Variants in ANKRD31 observed in about 807,000 individuals in gnomAD.
ANKRD31 encodes the protein ankyrin repeat domain 31.
ANKRD31 carries 147 observed loss-of-function variants against 186.0 expected under a neutral mutation model. The ratio of observed to expected loss-of-function variants is 0.79; its 90% CI spans 0.69 to 0.91. ANKRD31 has a LOEUF of 0.91. ANKRD31 is among the 40% of genes least tolerant of loss of function. The pLI is 0.00. For missense variants in ANKRD31, 1,986 were observed against 2,148.8 expected, an observed-to-expected ratio of 0.92 and a Z score of 1.50; for synonymous variants, 673 against 736.4, an observed-to-expected ratio of 0.91 and a Z score of 1.39.
At chr5:75,216,178 A>C (rs1044091699) in intron 3 of ANKRD31, among the ~76,000 whole-genome samples, 16 of 152,184 alleles carry the variant, frequency 1.1e-4, no homozygotes, top group Admixed American at 2.6e-4. Context: ...CTAGTTTACT[A>C]TCTGATGATA....
chr5:75,134,328 T>G lies in ANKRD31; in HGVS notation c.3876+3528A>C, dbSNP rs976659436. Among the ~76,000 whole-genome samples, 90 of 151,770 alleles carry G rather than the reference T, an allele frequency of 5.9e-4. 1 individual carries two copies. Among genetic ancestry groups the G allele is most frequent in the African/African-American group, 2.1e-3 (86 of 41,392 alleles). On this transcript the variant is annotated intron_variant, in intron 17 of 25. Transcript: ENST00000506364. ...ATAGACACAATAAAAATGATAAAGGTGATATCACCACCGATTCCACAGAAA... is the reference window on the plus strand; with the variant it reads ...ATAGACACAATAAAAATGATAAAGGGGATATCACCACCGATTCCACAGAAA...
chr5:75,096,666 A>T (rs563667601), intron 22 of ANKRD31, among the ~76,000 whole-genome samples: 102 of 150,824 alleles, frequency 6.8e-4, no homozygotes, highest in Admixed American at 8.0e-4. Context: ...CTTTAAAAAA[A>T]TTTTTTTTTT....
chr5:75,107,520 C>A lies in ANKRD31; in HGVS notation c.4340+1G>T, dbSNP rs1321139759. 24 of 1,510,118 alleles carry A rather than the reference C, an allele frequency of 1.6e-5. No individual in the cohort carries two copies. Among genetic ancestry groups the A allele is most frequent in the Non-Finnish European group, 2.0e-5 (23 of 1,129,684 alleles). 93.5% of individuals were successfully genotyped at this position (1,510,118 alleles called of 1,614,324 possible). A position where few individuals can be genotyped will look rare whatever the true frequency, so the allele number is the denominator to read the frequency against. The stretch of plus-strand genomic sequence containing the variant: ...CTCTTTTTTTTTCTTTTTCTACTCA[C>A]CTGTATTTTTTAGCCAGATCATCCC... On this transcript the variant is annotated splice_donor_variant, in intron 21 of 25. Transcript: ENST00000506364. LOFTEE classifies it high-confidence loss of function.
At chr5:75,113,635 C>T (rs922962827) in intron 19 of ANKRD31, among the ~76,000 whole-genome samples, 4 of 152,114 alleles carry the variant, frequency 2.6e-5, no homozygotes, top group African/African-American at 9.7e-5. Flanking sequence ...CATGTAGGTC[C>T]TCAAAGCCTT....
In ANKRD31 at chr5:75,229,879, AAAAAAAAAC is replaced by A. The variant is rs1252202930; in HGVS notation, c.178+674_178+682del. ...GACTCTGTCTCAAAAAAAAAAAAAA[AAAAAAAAAC>A]AAAAAAAACATCAATTCCCAGCAAG... On this transcript the variant is annotated intron_variant, in intron 2 of 25. Coordinates refer to ENST00000506364, the MANE Select transcript of ANKRD31 (RefSeq NM_001372053.1). Among the ~76,000 whole-genome samples the A allele has an allele frequency of 7.5e-3, 655 of 87,022 alleles. 18 individuals are homozygous for A. Among genetic ancestry groups the A allele is most frequent in the East Asian group, 0.07 (212 of 3,050 alleles). 57.1% of individuals were successfully genotyped at this position (87,022 alleles called of 152,430 possible). A position where few individuals can be genotyped will look rare whatever the true frequency, so the allele number is the denominator to read the frequency against.
rs182122167 is a variant in ANKRD31, at chr5:75,150,931, G to A, written c.1853-2303C>T. Among the ~76,000 whole-genome samples, 598 of 152,032 alleles carry A rather than the reference G, an allele frequency of 3.9e-3. 8 individuals are homozygous for A. The highest frequency in any genetic ancestry group is 3.4e-3 in the Middle Eastern group (1 of 294). On this transcript the variant is annotated intron_variant, in intron 12 of 25. Transcript: ENST00000506364. ...GCTTGTATAGACCTGGCTTCAACAA[G>A]TTACTGTCTGTCTCACTTCTCATGC...
intron 10 of ANKRD31, among the ~76,000 whole-genome samples, chr5:75,178,475 T>G (rs1258980593): frequency 6.6e-6 from 1 of 152,246 alleles, no homozygotes; most frequent in South Asian, 2.1e-4. Flanking sequence ...ATTGACCACA[T>G]AGTTGGAAGT....
intron 23 of ANKRD31, among the ~76,000 whole-genome samples, chr5:75,085,391 G>C (rs1745406816): frequency 6.7e-6 from 1 of 150,070 alleles, no homozygotes; most frequent in Non-Finnish European, 1.5e-5. Context: ...TTTTTTTTGA[G>C]AGAGTCTTAC....
intron 25 of ANKRD31, among the ~76,000 whole-genome samples, chr5:75,077,979 T>C (rs1328356570): frequency 2.0e-5 from 3 of 148,928 alleles, no homozygotes; most frequent in Non-Finnish European, 4.5e-5. Flanking sequence ...AGTGGTCTAA[T>C]GTATACAAAA....
intron 16 of ANKRD31, 149 bp downstream of exon 16, chr5:75,138,697 C>CA: frequency 1.3e-6 from 1 of 771,526 alleles, no homozygotes; most frequent in Non-Finnish European, 1.9e-6. Flanking sequence ...TCTTAGTATT[C>CA]AACTAAACAC....
chr5:75,215,931 A>T (rs941631153), intron 3 of ANKRD31, among the ~76,000 whole-genome samples: 1 of 152,170 alleles, frequency 6.6e-6, no homozygotes, highest in African/African-American at 2.4e-5. Context: ...TCATAGGATA[A>T]AACAATGAAA....
At chr5:75,111,804 T>C (rs1041473204) in intron 20 of ANKRD31, among the ~76,000 whole-genome samples, 5 of 152,200 alleles carry the variant, frequency 3.3e-5, no homozygotes, top group African/African-American at 1.2e-4. Flanking sequence ...TCTTCAGTGT[T>C]TTGAAAACAG....
chr5:75,202,670 C>A (rs1755895144), intron 5 of ANKRD31, among the ~76,000 whole-genome samples: 1 of 152,198 alleles, frequency 6.6e-6, no homozygotes, highest in Non-Finnish European at 1.5e-5. Flanking sequence ...TTAGAATTTA[C>A]CCTTTGAATT....
rs1043504174 is a variant in ANKRD31, at chr5:75,188,513, A to G, written c.1544T>C (p.Val515Ala). The change falls in exon 10 of 26, where the codon GTT becomes GCT. Residue 515 changes from valine (V) to alanine (A), a missense_variant. Transcript: ENST00000506364. ...VHHCIKKGGNVNQPSYAGWTA... is the reference protein window; with the variant it reads ...VHHCIKKGGNANQPSYAGWTA... ...CTTACCAGCATAACTTGGCTGATTA[A>G]CATTTCCACCTTTTTTTATACAATG... The G allele has an allele frequency of 6.5e-7, 1 of 1,535,842 alleles. No homozygotes were observed.
chr5:75,229,871 AAAAAAAAAAAAAAAAAC>A (rs1274598145), intron 2 of ANKRD31, among the ~76,000 whole-genome samples: 2 of 106,126 alleles, frequency 1.9e-5, no homozygotes, highest in Non-Finnish European at 3.4e-5. Flanking sequence ...TCTCAAAAAA[AAAAAAAAAAAAAAAAAC>A]AAAAAAAACA....
intron 19 of ANKRD31, among the ~76,000 whole-genome samples, chr5:75,114,069 T>C (rs1747999196): frequency 6.6e-6 from 1 of 152,210 alleles, no homozygotes; most frequent in Admixed American, 6.5e-5. Flanking sequence ...TAGTTAAGCT[T>C]TGTGTTTTTG....
At chr5:75,180,625 A>C (rs1185897790) in intron 10 of ANKRD31, among the ~76,000 whole-genome samples, 6 of 152,286 alleles carry the variant, frequency 3.9e-5, no homozygotes, top group South Asian at 2.1e-4. Flanking sequence ...CAAAAATAAG[A>C]AATGGGGAAA....
intron 5 of ANKRD31, among the ~76,000 whole-genome samples, 176 bp from the exon 6 acceptor site, chr5:75,199,850 T>A (rs1183818347): frequency 6.6e-6 from 1 of 152,174 alleles, no homozygotes; most frequent in Non-Finnish European, 1.5e-5. Context: ...GAAATGAAAT[T>A]ATAAAATTCT....
intron 22 of ANKRD31, among the ~76,000 whole-genome samples, chr5:75,100,689 G>A (rs1023458113): frequency 2.6e-5 from 4 of 152,090 alleles, no homozygotes; most frequent in Non-Finnish European, 5.9e-5. Context: ...GGCCTTCTTT[G>A]TCTCTTTTGA....
Sources: allele counts gnomAD v4.1 joint callset (sites outside exome capture counted in the v4.1 genomes callset), GRCh38; gene constraint gnomAD v4.1.1; transcripts MANE v1.5; gene names NCBI Gene and HGNC (gene_info 2026-07-23, HGNC 2026-07-21).